The following HEG1 variants were observed in gnomAD, a reference collection of about 807,000 sequenced individuals.
The protein encoded by HEG1 is protein HEG homolog 1.
In HEG1, 56 loss-of-function variants were observed where a neutral mutation model predicts 125.6. The observed-to-expected ratio is 0.45, with a 90% CI of 0.36 to 0.56. The LOEUF (loss-of-function observed/expected upper bound fraction) is 0.56. HEG1 is among the 20% of genes least tolerant of loss of function. HEG1 has a pLI of 0.00. For missense variants in HEG1, 1,523 were observed against 1,670.0 expected, an observed-to-expected ratio of 0.91 and a Z score of 1.53; for synonymous variants, 644 against 668.5, an observed-to-expected ratio of 0.96 and a Z score of 0.57.
chr3:125,001,734 C>T, intron 11 of HEG1, 118 bp downstream of exon 11: 1 of 1,117,288 alleles, frequency 9.0e-7, no homozygotes, highest in East Asian at 2.6e-5. Flanking sequence ...AACACCCATG[C>T]CAAAAATAGG....
chr3:124,981,419 A>G (rs1403906954), intron 14 of HEG1, among the ~76,000 whole-genome samples: 2 of 152,174 alleles, frequency 1.3e-5, no homozygotes, highest in African/African-American at 4.8e-5. Flanking sequence ...GCCATGGTCC[A>G]GTAACAGTTC....
At chr3:124,979,001 A>G (rs1392701707) in intron 14 of HEG1, among the ~76,000 whole-genome samples, 1 of 146,316 alleles carries the variant, frequency 6.8e-6, no homozygotes. Context: ...CCCAGTCTGG[A>G]GTGCAATGGT....
chr3:124,980,110 C>A (rs1200346141), intron 14 of HEG1, among the ~76,000 whole-genome samples: 2 of 152,150 alleles, frequency 1.3e-5, no homozygotes, highest in East Asian at 1.9e-4. Flanking sequence ...AGAAAACAAA[C>A]CTCTTGAATT....
intron 1 of HEG1, among the ~76,000 whole-genome samples, chr3:125,040,766 T>C (rs1386631385): frequency 2.6e-5 from 4 of 151,954 alleles, no homozygotes. Context: ...CCTTTGAGTA[T>C]GATGGATGGC....
Position 125,055,799 on chromosome 3 carries a change from C to T in HEG1, c.92G>A (p.Arg31Gln), listed in dbSNP as rs186106404. The T allele has an allele frequency of 0.056, 55,739 of 986,908 alleles. 1,732 individuals are homozygous for T. The highest frequency in any genetic ancestry group is 0.075 in the Middle Eastern group (146 of 1,936). The allele number at this position is 986,908 out of a possible 1,614,324, so 61.1% of individuals were successfully genotyped here. A position where few individuals can be genotyped will look rare whatever the true frequency, so the allele number is the denominator to read the frequency against. ...LLLPPAAPGTRDPPPSPARRA... is the reference protein window; with the variant it reads ...LLLPPAAPGTQDPPPSPARRA... Reference sequence around the variant, plus strand: ...GCGAGCCGGGGAAGGCGGCGGGTCCCGCGTCCCGGGGGCCGCCGGCGGCAG... The same window carrying T: ...GCGAGCCGGGGAAGGCGGCGGGTCCTGCGTCCCGGGGGCCGCCGGCGGCAG... Residue 31 changes from arginine (R) to glutamine (Q), a missense_variant, in exon 1 of 17, where the codon CGG (arginine) becomes CAG (glutamine). Arg to Gln is a conservative substitution (Grantham distance 43). Transcript: ENST00000311127.
At chr3:125,014,522 G>A (rs906356506) in intron 5 of HEG1, among the ~76,000 whole-genome samples, 2 of 152,176 alleles carry the variant, frequency 1.3e-5, no homozygotes, top group Admixed American at 1.3e-4. Flanking sequence ...GAGTGTGTGT[G>A]GAGGGCTGGG....
intron 3 of HEG1, among the ~76,000 whole-genome samples, chr3:125,022,517 C>T (rs1397099957): frequency 6.6e-6 from 1 of 151,874 alleles, no homozygotes; most frequent in African/African-American, 2.4e-5. Flanking sequence ...CTGGTCACCC[C>T]ACCTTAATGG....
In HEG1 at chr3:124,967,342, C is replaced by G. The variant is rs563188834; in HGVS notation, c.*3310G>C. ...CCTTCCACTTCCTATACCAAAGCCA[C>G]GTGCCAGTGTGCTTCTTGCTGAGCA... On this transcript the variant is annotated 3_prime_UTR_variant, in exon 17 of 17. Coordinates refer to ENST00000311127, the MANE Select transcript of HEG1 (RefSeq NM_020733.2). 4 of 152,064 alleles carry G rather than the reference C, an allele frequency of 2.6e-5. No individual in the cohort carries two copies. Among genetic ancestry groups the G allele is most frequent in the Non-Finnish European group, 5.9e-5 (4 of 68,032 alleles). The allele number at this position is 152,064 out of a possible 1,614,324, so 9.4% of individuals were successfully genotyped here. A position where few individuals can be genotyped will look rare whatever the true frequency, so the allele number is the denominator to read the frequency against.
At chr3:125,011,426 C>T (rs1937156492) in intron 6 of HEG1, among the ~76,000 whole-genome samples, 1 of 152,244 alleles carries the variant, frequency 6.6e-6, no homozygotes, top group Non-Finnish European at 1.5e-5. Flanking sequence ...GAATCTGCCC[C>T]TAATACTTGC....
At chr3:125,010,330 T>C in intron 7 of HEG1, 109 bp downstream of exon 7, 5 of 633,278 alleles carry the variant, frequency 7.9e-6, no homozygotes, top group Non-Finnish European at 1.4e-5. Flanking sequence ...GTAAGCAGGG[T>C]ATTAACTAAA....
chr3:124,991,010 T>C (rs755298942), intron 12 of HEG1, 24 bp from the exon 13 acceptor site: 4 of 1,544,886 alleles, frequency 2.6e-6, no homozygotes, highest in Non-Finnish European at 3.5e-6. Flanking sequence ...GGAAAATGCA[T>C]GAGTGTGTCT....
chr3:125,035,831 T>C (rs1015766021), intron 1 of HEG1, among the ~76,000 whole-genome samples: 6 of 152,108 alleles, frequency 3.9e-5, no homozygotes, highest in African/African-American at 1.2e-4. Flanking sequence ...TAGATAACAA[T>C]AGTTCGTAAG....
At chr3:125,021,159 T>C (rs571970662) in intron 3 of HEG1, 29 bp from the exon 4 acceptor site, 33 of 1,497,672 alleles carry the variant, frequency 2.2e-5, no homozygotes, top group Admixed American at 6.5e-5. Flanking sequence ...TGCTTCAAAA[T>C]TACTCAGGAG....
At chr3:125,035,046 C>T (rs1320912401) in intron 1 of HEG1, among the ~76,000 whole-genome samples, 1 of 152,148 alleles carries the variant, frequency 6.6e-6, no homozygotes, top group Non-Finnish European at 1.5e-5. Flanking sequence ...CTCACTGCAG[C>T]CTCCACATCC....
chr3:125,005,395 AT>A, intron 8 of HEG1, 27 bp from the exon 9 acceptor site: 1 of 1,292,278 alleles, frequency 7.7e-7, no homozygotes, highest in Non-Finnish European at 1.1e-6. Flanking sequence ...AACTTGTTAG[AT>A]TACACAACAG....
rs1936334682 is a variant in HEG1, at chr3:124,967,393, A to C, written c.*3259T>G. The C allele has an allele frequency of 4.0e-5, 6 of 151,728 alleles. No homozygotes were observed. Among genetic ancestry groups the C allele is most frequent in the South Asian group, 4.2e-4 (2 of 4,780 alleles). 9.4% of individuals were successfully genotyped at this position (151,728 alleles called of 1,614,324 possible). ...CAAGCCAGCCACTATTTTCTTAATG[A>C]CAAGTGTCTAAGAATTACATATAAA... On this transcript the variant is annotated 3_prime_UTR_variant, in exon 17 of 17. Transcript: ENST00000311127.
intron 1 of HEG1, among the ~76,000 whole-genome samples, chr3:125,043,683 C>A (rs1232571574): frequency 6.6e-6 from 1 of 152,128 alleles, no homozygotes; most frequent in Non-Finnish European, 1.5e-5. Context: ...AGCTCCCAGT[C>A]CCCTCTGGAC....
chr3:125,055,627 G>A lies in HEG1; in HGVS notation c.264C>T (p.Gly88=), dbSNP rs910904661. 1.2e-5 allele frequency: 14 copies of A among 1,201,990 alleles called. No homozygotes were observed. In the African/African-American group the frequency reaches 2.1e-4, roughly 18 times the overall value. 74.5% of individuals were successfully genotyped at this position (1,201,990 alleles called of 1,614,324 possible). A position where few individuals can be genotyped will look rare whatever the true frequency, so the allele number is the denominator to read the frequency against. Residue 88 remains glycine (G), a synonymous_variant, in exon 1 of 17, where the codon GGC becomes GGT. Transcript: ENST00000311127. ...PGPSYRAPEP[G]AATQRGPSGR... is the part of the protein sequence containing the mutation. ...CGGAGGGTCCCCGCTGTGTCGCGGCGCCTGGCTCAGGGGCCCTGTAGCTGG... is the reference window on the plus strand; with the variant it reads ...CGGAGGGTCCCCGCTGTGTCGCGGCACCTGGCTCAGGGGCCCTGTAGCTGG...
intron 14 of HEG1, among the ~76,000 whole-genome samples, chr3:124,984,293 G>A (rs1314278289): frequency 6.6e-6 from 1 of 152,214 alleles, no homozygotes; most frequent in Admixed American, 6.5e-5. Flanking sequence ...CTGGGAGGCT[G>A]TGAGGCAGGG....
Sources: allele counts gnomAD v4.1 joint callset (sites outside exome capture counted in the v4.1 genomes callset), GRCh38; gene constraint gnomAD v4.1.1; transcripts MANE v1.5; gene names NCBI Gene and HGNC (gene_info 2026-07-23, HGNC 2026-07-21).